PSPH: variants seen among roughly 807,000 people sequenced by gnomAD.
PSPH encodes the protein phosphoserine phosphatase, also known as L-3-phosphoserine phosphatase.
In PSPH, 16 loss-of-function variants were observed where a neutral mutation model predicts 23.4. The observed-to-expected ratio is 0.68, with a 90% CI of 0.46 to 1.04. The LOEUF is 1.04. PSPH is among the 50% of genes least tolerant of loss of function. The probability of loss-of-function intolerance (pLI) is 0.00; values close to 1 mark genes in which losing one functional copy is unlikely to be tolerated. For synonymous variants in PSPH, 68 were observed against 99.7 expected (o/e 0.68, Z 1.89); for missense variants, 223 against 273.7 (o/e 0.81, Z 1.31).
At chr7:56,034,982 C>T (rs1791546091) in intron 1 of PSPH, among the ~76,000 whole-genome samples, 1 of 152,092 alleles carries the variant, frequency 6.6e-6, no homozygotes, top group African/African-American at 2.4e-5. Context: ...AGCGATCCTT[C>T]CTCCTTGGCC....
At chr7:56,022,918 G>A (rs1162269041) in intron 3 of PSPH, among the ~76,000 whole-genome samples, 2 of 152,144 alleles carry the variant, frequency 1.3e-5, no homozygotes, top group East Asian at 3.9e-4. Context: ...AATTAGCCGG[G>A]CAGGATGGCG....
chr7:56,034,691 AT>A lies in PSPH; in HGVS notation c.-291-586del, dbSNP rs368419061. ...CCACCACGCCCGGCTAATTTTTTGT[AT>A]TTTTTAATAGAGACGGGGTTTCACC... On this transcript the variant is annotated intron_variant, in intron 1 of 7. Transcript: ENST00000275605. Among the ~76,000 whole-genome samples, 735 of 151,784 alleles carry A rather than the reference AT, an allele frequency of 4.8e-3. 3 individuals are homozygous for A. Among genetic ancestry groups the A allele is most frequent in the Middle Eastern group, 0.031 (9 of 294 alleles).
chr7:56,036,856 G>C (rs921829704), intron 1 of PSPH, among the ~76,000 whole-genome samples: 2 of 151,980 alleles, frequency 1.3e-5, no homozygotes, highest in Non-Finnish European at 2.9e-5. Flanking sequence ...GCCAGACAAG[G>C]CAAAACTGTG....
intron 3 of PSPH, among the ~76,000 whole-genome samples, chr7:56,024,545 A>G (rs369629644): frequency 5.7e-4 from 87 of 152,192 alleles, no homozygotes; most frequent in African/African-American, 2.0e-3. Context: ...CAGGAGTTCA[A>G]CACCTATCTG....
chr7:56,034,384 G>C (rs1356076227), intron 1 of PSPH, among the ~76,000 whole-genome samples: 1 of 152,204 alleles, frequency 6.6e-6, no homozygotes, highest in African/African-American at 2.4e-5. Flanking sequence ...ATAAGGATAG[G>C]TGAGGGAAGC....
At chr7:56,015,386 G>A (rs901472065) in intron 6 of PSPH, among the ~76,000 whole-genome samples, 1 of 152,130 alleles carries the variant, frequency 6.6e-6, no homozygotes, top group African/African-American at 2.4e-5. Flanking sequence ...TATGATTATA[G>A]AAATGGGGTC....
intron 3 of PSPH, among the ~76,000 whole-genome samples, chr7:56,027,315 C>T (rs1266007828): frequency 6.6e-6 from 1 of 152,124 alleles, no homozygotes; most frequent in Admixed American, 6.6e-5. Context: ...AAAGCCAGTC[C>T]CCAGGGACCC....
chr7:56,034,179 C>T (rs913312782), intron 1 of PSPH, 73 bp from the exon 2 acceptor site: 4 of 152,284 alleles, frequency 2.6e-5, no homozygotes, highest in Admixed American at 6.5e-5. Context: ...TCTGTCTGCT[C>T]TGCAAAGCCG....
At chr7:56,019,453 TAA>T in intron 5 of PSPH, 145 bp downstream of exon 5, 1 of 1,124,280 alleles carries the variant, frequency 8.9e-7, no homozygotes, top group Non-Finnish European at 1.2e-6. Context: ...AAATACAATT[TAA>T]AAAAATAATT....
chr7:56,017,297 C>A lies in PSPH; in HGVS notation c.358G>T (p.Ala120Ser), dbSNP rs1290090200. ...GGFRSIVEHVASKLNIPATNV... is the reference protein window; with the variant it reads ...GGFRSIVEHVSSKLNIPATNV... ...GTTGCTGGGATATTGAGCTTTGAAG[C>A]AACATGCTCTACAATACTCCTAAAG... The change falls in exon 6 of 8, where the codon GCT becomes TCT. Residue 120 changes from alanine (A) to serine (S), a missense_variant. By Grantham distance (99) the Ala-to-Ser change is moderately conservative. Transcript: ENST00000275605. The A allele has an allele frequency of 1.9e-6, 3 of 1,613,014 alleles. No homozygotes were observed. Among genetic ancestry groups the A allele is most frequent in the Non-Finnish European group, 2.5e-6 (3 of 1,179,486 alleles).
Position 56,015,036 on chromosome 7 carries a change from G to A in PSPH, c.557C>T (p.Ala186Val). The A allele has an allele frequency of 6.2e-7, 1 of 1,613,908 alleles. No homozygotes were observed. Among genetic ancestry groups the A allele is most frequent in the Non-Finnish European group, 8.5e-7 (1 of 1,179,932 alleles). The change falls in exon 7 of 8, where the codon GCC (alanine) becomes GTC (valine). Residue 186 changes from alanine to valine, a missense_variant. Transcript: ENST00000275605. ...MIGDGATDME[A>V]CPPADAFIGF... ...CTTAATACATACAGCAGGAGGACAG[G>A]CTTCCATATCTGTGGCACCATCTCC... is the stretch of plus-strand genomic sequence containing the variant.
chr7:56,026,038 C>T (rs1200172300), intron 3 of PSPH, among the ~76,000 whole-genome samples: 2 of 152,124 alleles, frequency 1.3e-5, no homozygotes, highest in African/African-American at 4.8e-5. Context: ...ATTATTTCCT[C>T]CCCATCAACC....
At chr7:56,045,072 C>CAAAAAA (rs35552809) in intron 1 of PSPH, among the ~76,000 whole-genome samples, 1 of 117,358 alleles carries the variant, frequency 8.5e-6, no homozygotes, top group Non-Finnish European at 1.7e-5. Context: ...AACTCTGCCT[C>CAAAAAA]AAAAAAAAAA....
intron 7 of PSPH, among the ~76,000 whole-genome samples, chr7:56,013,114 T>A (rs1379381736): frequency 6.7e-6 from 1 of 149,788 alleles, no homozygotes; most frequent in Admixed American, 6.7e-5. Flanking sequence ...TGTGTATATA[T>A]TTATATACAC....
chr7:56,013,636 C>T (rs554441172), intron 7 of PSPH, among the ~76,000 whole-genome samples: 101 of 151,852 alleles, frequency 6.7e-4, no homozygotes, highest in African/African-American at 2.2e-3. Context: ...GAGGCTGAGG[C>T]GGGAGGATCA....
At chr7:56,044,847 G>T (rs1402978073) in intron 1 of PSPH, among the ~76,000 whole-genome samples, 1 of 151,774 alleles carries the variant, frequency 6.6e-6, no homozygotes, top group Non-Finnish European at 1.5e-5. Context: ...ATCCAGGCAG[G>T]CAGATCACTT....
intron 2 of PSPH, among the ~76,000 whole-genome samples, chr7:56,032,626 C>T (rs1384575096): frequency 1.5e-5 from 2 of 136,416 alleles, no homozygotes; most frequent in East Asian, 4.6e-4. Context: ...TGCCACTGCA[C>T]TTCAGCCTGG....
chr7:56,035,788 T>G (rs964764915), intron 1 of PSPH, among the ~76,000 whole-genome samples: 8 of 152,056 alleles, frequency 5.3e-5, no homozygotes, highest in Admixed American at 5.2e-4. Context: ...CCCAGCTAAT[T>G]TTTGTATTTT....
intron 3 of PSPH, among the ~76,000 whole-genome samples, chr7:56,025,763 T>C (rs1354149663): frequency 2.0e-5 from 3 of 152,110 alleles, no homozygotes; most frequent in Non-Finnish European, 4.4e-5. Flanking sequence ...CCAGCTAATT[T>C]TTGTATTTTG....
Sources: gnomAD v4.1 joint callset for allele counts (sites outside exome capture counted in the v4.1 genomes callset) on GRCh38, gnomAD v4.1.1 for gene constraint, MANE v1.5 for transcripts, NCBI Gene and HGNC (gene_info 2026-07-23, HGNC 2026-07-21) for gene names.